CDHR3: variants seen among roughly 807,000 people sequenced by gnomAD.
The protein encoded by CDHR3 is cadherin related family member 3.
CDHR3 carries 79 observed loss-of-function variants against 86.6 expected under a neutral mutation model. That is an observed-to-expected ratio of 0.91 (90% CI 0.76 to 1.10). The LOEUF is 1.10. Among genes scored for constraint, CDHR3 ranks in the 50% least tolerant of loss-of-function variants. CDHR3 has a pLI of 0.00. For missense variants in CDHR3, 1,081 were observed against 1,077.6 expected, an observed-to-expected ratio of 1.00 and a Z score of -0.04; for synonymous variants, 421 against 402.4, an observed-to-expected ratio of 1.05 and a Z score of -0.55.
Position 106,032,571 on chromosome 7 carries a change from T to C in CDHR3, c.2532T>C (p.Ser844=), listed in dbSNP as rs1420302808. ...RSANWEEDEL[S]GKAWAEDAGL... ...CCAACTGGGAAGAAGATGAGCTGAG[T>C]GGCAAAGCGTGGGCTGAGGATGCTG... Residue 844 remains serine, a synonymous_variant, in exon 19 of 19, where the codon AGT becomes AGC. Transcript: ENST00000317716. 5.6e-6 allele frequency: 9 copies of C among 1,613,862 alleles called. No homozygotes were observed. Among genetic ancestry groups the C allele is most frequent in the Non-Finnish European group, 7.6e-6 (9 of 1,179,868 alleles).
At chr7:105,983,276 A>G (rs1721814091) in intron 3 of CDHR3, among the ~76,000 whole-genome samples, 1 of 152,142 alleles carries the variant, frequency 6.6e-6, no homozygotes, top group East Asian at 1.9e-4. Flanking sequence ...TGAACGAAGC[A>G]TGAGAGTGAT....
intron 8 of CDHR3, among the ~76,000 whole-genome samples, chr7:106,009,755 G>A (rs971293422): frequency 6.6e-6 from 1 of 152,244 alleles, no homozygotes; most frequent in Non-Finnish European, 1.5e-5. Flanking sequence ...CCCAGGGCCC[G>A]ACGGAGGCAT....
intron 4 of CDHR3, among the ~76,000 whole-genome samples, chr7:105,990,979 G>C (rs762650259): frequency 1.3e-5 from 2 of 152,150 alleles, no homozygotes. Flanking sequence ...AGCAAACCTA[G>C]CTGCAAAGGG....
At chr7:105,997,588 C>T (rs1006701956) in intron 6 of CDHR3, among the ~76,000 whole-genome samples, 3 of 151,982 alleles carry the variant, frequency 2.0e-5, no homozygotes, top group African/African-American at 7.2e-5. Flanking sequence ...CACAGCTCTG[C>T]AGATTCTTCA....
At chr7:105,971,753 C>T (rs1004135660) in intron 1 of CDHR3, among the ~76,000 whole-genome samples, 3 of 152,148 alleles carry the variant, frequency 2.0e-5, no homozygotes, top group Non-Finnish European at 4.4e-5. Flanking sequence ...TCTCTCCACT[C>T]GGGGTGAGGC....
chr7:106,030,852 GC>G lies in CDHR3; in HGVS notation c.2353+13del, dbSNP rs1838220701. The G allele has an allele frequency of 6.2e-7, 1 of 1,606,278 alleles. No homozygotes were observed. Among genetic ancestry groups the G allele is most frequent in the African/African-American group, 1.3e-5 (1 of 74,778 alleles). ...AGCCATAGATCCAGGTAATTAAGTG[GC>G]AATACCACTGTAAGAATGCTTTTTA... On this transcript the variant is annotated intron_variant, in intron 18 of 18. Coordinates refer to ENST00000317716, the MANE Select transcript of CDHR3 (RefSeq NM_152750.5). The surrounding 1 kb of genome is among the most constrained non-coding windows in gnomAD (Gnocchi z 4.8).
intron 2 of CDHR3, among the ~76,000 whole-genome samples, chr7:105,975,882 CCCATTA>C (rs1313709949): frequency 4.6e-5 from 7 of 152,284 alleles, no homozygotes; most frequent in African/African-American, 1.7e-4. Flanking sequence ...CCCTGAGGTT[CCCATTA>C]CGTGTTCTTA....
intron 6 of CDHR3, among the ~76,000 whole-genome samples, chr7:105,996,932 C>T (rs970524641): frequency 6.6e-6 from 1 of 152,004 alleles, no homozygotes; most frequent in African/African-American, 2.4e-5. Context: ...ATGTGCCTGG[C>T]ACTATCCCAG....
chr7:106,002,612 CAGGTGTGTA>C (rs911685020), intron 7 of CDHR3, among the ~76,000 whole-genome samples: 1 of 152,072 alleles, frequency 6.6e-6, no homozygotes, highest in Admixed American at 6.5e-5. Context: ...TTCTCAAAGG[CAGGTGTGTA>C]AGGATGGATG....
In CDHR3 at chr7:106,022,085, C is replaced by T. The variant is rs77575275; in HGVS notation, c.1826-113C>T. On this transcript the variant is annotated intron_variant, in intron 13 of 18. Coordinates refer to ENST00000317716, the MANE Select transcript of CDHR3 (RefSeq NM_152750.5). ...TCTGGTGTATCAGAGACACAGTCTA[C>T]ACTTGAGGTGTGGACATTTGAGAAA... 1,099 of 1,314,228 alleles carry T rather than the reference C, an allele frequency of 8.4e-4. 5 individuals are homozygous for T. In the African/African-American group the frequency reaches 0.014, roughly 17 times the overall value. 81.4% of individuals were successfully genotyped at this position (1,314,228 alleles called of 1,614,324 possible).
intron 3 of CDHR3, among the ~76,000 whole-genome samples, chr7:105,982,982 C>CAAAAAAAA (rs57923583): frequency 7.7e-6 from 1 of 130,646 alleles, no homozygotes. Context: ...GACCCTATCT[C>CAAAAAAAA]AAAAAAAAAA....
Position 106,009,289 on chromosome 7 carries a change from C to T in CDHR3, c.1053-3571C>T, listed in dbSNP as rs75972331. On this transcript the variant is annotated intron_variant, in intron 8 of 18. Transcript: ENST00000317716. ...GAAAGGGACCCCTCCTCTGCAGTTCCAGGGGCGGAGGTCTTCAGCCTAAAG... is the reference window on the plus strand; with the variant it reads ...GAAAGGGACCCCTCCTCTGCAGTTCTAGGGGCGGAGGTCTTCAGCCTAAAG... 2.3e-4 allele frequency among the ~76,000 whole-genome samples: 35 copies of T among 152,318 alleles called. No homozygotes were observed. In the East Asian group the frequency reaches 6.8e-3, roughly 29 times the overall value.
chr7:105,968,966 T>C lies in CDHR3; in HGVS notation c.46+5602T>C, dbSNP rs1422338564. On this transcript the variant is annotated intron_variant, in intron 1 of 18. Transcript: ENST00000317716. ...AGCCAGGCGTGGTGGCGGGCACCTG[T>C]AGTCCCAGCTACTAGGGAGGCTGAG... Among the ~76,000 whole-genome samples, 7 of 151,610 alleles carry C rather than the reference T, an allele frequency of 4.6e-5. No homozygotes were observed. The East Asian group carries it at 1.4e-3, about 30-fold the overall frequency.
intron 2 of CDHR3, among the ~76,000 whole-genome samples, chr7:105,978,136 T>A (rs1344009428): frequency 6.6e-6 from 1 of 152,236 alleles, no homozygotes; most frequent in Non-Finnish European, 1.5e-5. Context: ...TCAGGTAGGC[T>A]GCCCCAAGAA....
intron 9 of CDHR3, 120 bp from the exon 10 acceptor site, chr7:106,014,991 T>G: frequency 1.4e-6 from 1 of 695,194 alleles, no homozygotes; most frequent in Admixed American, 2.9e-5. Context: ...ATGGGCAAAG[T>G]GTTTGCCAAA....
chr7:105,999,469 G>T (rs1223984385), intron 6 of CDHR3, among the ~76,000 whole-genome samples: 1 of 152,184 alleles, frequency 6.6e-6, no homozygotes, highest in Non-Finnish European at 1.5e-5. Context: ...TTGTAGAGGG[G>T]TTGTCCTGTG....
Position 106,031,776 on chromosome 7 carries a change from GT to G in CDHR3, c.2354-612del, listed in dbSNP as rs1316500302. On this transcript the variant is annotated intron_variant, in intron 18 of 18. Transcript: ENST00000317716. ...CCAGAGCAAAAGGGGGGATTTTTGT[GT>G]TTTTGTGTAGTTGAGAGAAAAAAAA... Among the ~76,000 whole-genome samples, 7 of 149,636 alleles carry G rather than the reference GT, an allele frequency of 4.7e-5. No individual in the cohort carries two copies. The South Asian group carries it at 1.3e-3, about 27-fold the overall frequency.
At chr7:106,027,608 A>ACTT (rs1837558813) in intron 16 of CDHR3, 1 of 446,488 alleles carries the variant, frequency 2.2e-6, no homozygotes, top group Non-Finnish European at 4.5e-6. Context: ...GGCCTCAAGT[A>ACTT]GACTCCAGAG....
At chr7:106,024,583 G>A (rs774782611) in intron 15 of CDHR3, 21 bp downstream of exon 15, 10 of 1,611,562 alleles carry the variant, frequency 6.2e-6, no homozygotes, top group Non-Finnish European at 5.9e-6. Flanking sequence ...AGTGGGCTGG[G>A]CCCTCTTCCC....
Sources: allele counts gnomAD v4.1 joint callset (sites outside exome capture counted in the v4.1 genomes callset), GRCh38; gene constraint gnomAD v4.1.1; non-coding constraint Gnocchi (gnomAD v3.1); transcripts MANE v1.5; gene names NCBI Gene and HGNC (gene_info 2026-07-23, HGNC 2026-07-21).